Variants in RMDN2 observed in about 807,000 individuals in gnomAD.
RMDN2 encodes the protein regulator of microtubule dynamics protein 2.
In RMDN2, 61 loss-of-function variants were observed where a neutral mutation model predicts 52.8. The observed-to-expected ratio is 1.16, with a 90% CI of 0.94 to 1.43. The LOEUF (loss-of-function observed/expected upper bound fraction) is 1.43. Ranked by LOEUF, RMDN2 falls within the 40% of genes most tolerant of loss-of-function variation. The pLI is 0.00. For missense variants in RMDN2, 592 were observed against 475.3 expected, an observed-to-expected ratio of 1.25 and a Z score of -2.28; for synonymous variants, 180 against 153.1, an observed-to-expected ratio of 1.18 and a Z score of -1.30.
intron 5 of RMDN2, among the ~76,000 whole-genome samples, chr2:37,986,371 A>C (rs1014305893): frequency 1.3e-5 from 2 of 152,190 alleles, no homozygotes; most frequent in African/African-American, 4.8e-5. Context: ...AATTCTACCA[A>C]ATACTTAAGG....
chr2:37,930,559 G>T (rs1237670176), intron 2 of RMDN2, among the ~76,000 whole-genome samples: 1 of 152,214 alleles, frequency 6.6e-6, no homozygotes, highest in African/African-American at 2.4e-5. Flanking sequence ...CAGGGCGCAG[G>T]TGGGACAGGC....
At chr2:37,955,255 C>G (rs1425564018) in intron 2 of RMDN2, among the ~76,000 whole-genome samples, 1 of 152,042 alleles carries the variant, frequency 6.6e-6, no homozygotes, top group East Asian at 1.9e-4. Flanking sequence ...ATAAAGAGCA[C>G]CCTTGTCTTG....
chr2:38,032,598 G>C (rs982767237), intron 10 of RMDN2, among the ~76,000 whole-genome samples: 4 of 152,202 alleles, frequency 2.6e-5, no homozygotes, highest in African/African-American at 9.7e-5. Flanking sequence ...CCAGCAGTTT[G>C]GGAGGCCGAG....
intron 10 of RMDN2, among the ~76,000 whole-genome samples, chr2:38,042,955 G>A (rs1322639209): frequency 6.6e-6 from 1 of 152,108 alleles, no homozygotes; most frequent in Non-Finnish European, 1.5e-5. Context: ...GTGACCTAGA[G>A]AATAATGTGT....
At chr2:38,013,647 A>T (rs982144381) in intron 10 of RMDN2, among the ~76,000 whole-genome samples, 1 of 152,220 alleles carries the variant, frequency 6.6e-6, no homozygotes. Context: ...CTTAATTAAG[A>T]TATCATATTT....
chr2:37,946,943 CT>C (rs1377968949), intron 2 of RMDN2, among the ~76,000 whole-genome samples: 1 of 152,112 alleles, frequency 6.6e-6, no homozygotes, highest in African/African-American at 2.4e-5. Flanking sequence ...CTACATCCAG[CT>C]TGTTTTTGCA....
intron 2 of RMDN2, among the ~76,000 whole-genome samples, chr2:37,941,107 C>A (rs189257898): frequency 1.2e-3 from 186 of 152,280 alleles, no homozygotes; most frequent in African/African-American, 4.3e-3. Flanking sequence ...GATGTTGATG[C>A]TGTTGCTTTC....
chr2:38,063,978 G>C (rs1001158704), intron 10 of RMDN2, among the ~76,000 whole-genome samples: 16 of 150,426 alleles, frequency 1.1e-4, no homozygotes, highest in African/African-American at 4.0e-4. Flanking sequence ...TCCTGTTTGT[G>C]TGTGTGTATG....
intron 10 of RMDN2, among the ~76,000 whole-genome samples, chr2:38,052,027 A>C (rs2163454): frequency 0.32 from 49,020 of 152,122 alleles, 8,736 homozygotes; most frequent in South Asian, 0.5. Context: ...CATTTGGATA[A>C]ATACCCAGTG....
chr2:37,994,020 C>T (rs1675176239), intron 7 of RMDN2, among the ~76,000 whole-genome samples: 1 of 152,170 alleles, frequency 6.6e-6, no homozygotes, highest in Non-Finnish European at 1.5e-5. Flanking sequence ...ATGGCAAAAG[C>T]ACATGCTAAT....
In RMDN2 at chr2:37,929,424, T is replaced by G. The variant is rs1558431905; in HGVS notation, c.147T>G (p.Phe49Leu). Residue 49 changes from phenylalanine to leucine, a missense_variant, in exon 2 of 11, where the codon TTT (phenylalanine) becomes TTG (leucine). Physicochemically the swap from Phe to Leu is conservative, Grantham distance 22 (BLOSUM62 0). Coordinates refer to ENST00000354545, the MANE Select transcript of RMDN2 (RefSeq NM_001170791.3). ...LPEFLSLGNT[F>L]NSITLQDEIH... Reference sequence around the variant, plus strand: ...AATTTCTTTCTCTGGGTAATACATTTAATTCAATAACTTTGCAAGATGAAA... The same window carrying G: ...AATTTCTTTCTCTGGGTAATACATTGAATTCAATAACTTTGCAAGATGAAA... 1.9e-6 allele frequency: 3 copies of G among 1,551,500 alleles called. No homozygotes were observed. The highest frequency in any genetic ancestry group is 2.6e-6 in the Non-Finnish European group (3 of 1,146,884).
chr2:37,951,178 G>A (rs1668732627), intron 2 of RMDN2: 1 of 1,486,664 alleles, frequency 6.7e-7, no homozygotes, highest in Non-Finnish European at 8.9e-7. Flanking sequence ...GGCTTGGCAG[G>A]TCTCCACTCT....
chr2:37,943,557 A>G (rs1355977403), intron 2 of RMDN2, among the ~76,000 whole-genome samples: 2 of 152,244 alleles, frequency 1.3e-5, no homozygotes, highest in Non-Finnish European at 2.9e-5. Flanking sequence ...GCTTTGCGTT[A>G]TGTCTAAAAT....
rs368142889 is a variant in RMDN2 at position 37,974,172 on chromosome 2, C to T, written c.585C>T (p.Gly195=). 6.2e-7 allele frequency: 1 copy of T among 1,613,198 alleles called. No homozygotes were observed. Among genetic ancestry groups the T allele is most frequent in the Non-Finnish European group, 8.5e-7 (1 of 1,179,552 alleles). ...KVDHLRMSES[G]KSESFELLRD... The stretch of plus-strand genomic sequence containing the variant: ...ATCATTTACGTATGAGTGAGTCTGG[C>T]AAGTCGGAGAGTTTTGAACTACTTC... Residue 195 remains glycine (G), a synonymous_variant, in exon 3 of 11, where the codon GGC becomes GGT. Coordinates refer to ENST00000354545, the MANE Select transcript of RMDN2 (RefSeq NM_001170791.3).
intron 10 of RMDN2, among the ~76,000 whole-genome samples, chr2:38,040,958 AT>A (rs1484392802): frequency 6.6e-6 from 1 of 152,096 alleles, no homozygotes; most frequent in Non-Finnish European, 1.5e-5. Flanking sequence ...TTACCTAGGT[AT>A]TTCATTTTTG....
At chr2:37,927,783 T>G (rs920298069) in intron 1 of RMDN2, among the ~76,000 whole-genome samples, 8 of 152,240 alleles carry the variant, frequency 5.3e-5, no homozygotes, top group Admixed American at 3.9e-4. Context: ...CAATAAGCTT[T>G]CAAGATAATT....
intron 2 of RMDN2, among the ~76,000 whole-genome samples, chr2:37,966,147 C>A (rs12712566): frequency 0.82 from 124,082 of 151,820 alleles, 50,897 homozygotes; most frequent in Middle Eastern, 0.92. Context: ...TGTGGCCGGG[C>A]GTGGTGGCTC....
At position 37,982,749 on chromosome 2, in the gene RMDN2, A is replaced by T. The variant is rs1468936368; in HGVS notation, c.791+1406A>T. ...CAGGTAACAATTTGGTACAGACTTA[A>T]GATCATTTCCCTAGAACAGAGGGTC... On this transcript the variant is annotated intron_variant, in intron 5 of 10. Coordinates refer to ENST00000354545, the MANE Select transcript of RMDN2 (RefSeq NM_001170791.3). Among the ~76,000 whole-genome samples the T allele has an allele frequency of 2.6e-5, 4 of 152,186 alleles. No individual in the cohort carries two copies. In the East Asian group the frequency reaches 7.7e-4, roughly 29 times the overall value.
At chr2:38,022,272 A>T (rs7556934), downstream of RMDN2, among the ~76,000 whole-genome samples, 44,327 of 152,130 alleles carry the variant, frequency 0.29, 7,097 homozygotes, top group East Asian at 0.67. Flanking sequence ...TTCTTGAATG[A>T]CAGGATTATA....
Sources: gnomAD v4.1 joint callset for allele counts (sites outside exome capture counted in the v4.1 genomes callset) on GRCh38, gnomAD v4.1.1 for gene constraint, MANE v1.5 for transcripts, NCBI Gene and HGNC (gene_info 2026-07-23, HGNC 2026-07-21) for gene names.